ADAM18: variants seen among roughly 807,000 people sequenced by gnomAD.
ADAM18 encodes disintegrin and metalloproteinase domain-containing protein 18.
Under a neutral mutation model 94.4 loss-of-function variants are expected in ADAM18, and 117 were observed. The observed-to-expected ratio is 1.24, with a 90% CI of 1.07 to 1.45. ADAM18 has a LOEUF of 1.45. ADAM18 is among the 40% of genes most tolerant of loss of function. The pLI is 0.00. For synonymous variants in ADAM18, 327 were observed against 291.6 expected (o/e 1.12, Z -1.24); for missense variants, 936 against 880.0 (o/e 1.06, Z -0.81).
chr8:39,586,149 T>TA (rs1019770871), intron 2 of ADAM18, among the ~76,000 whole-genome samples: 1 of 152,196 alleles, frequency 6.6e-6, no homozygotes, highest in Non-Finnish European at 1.5e-5. Context: ...TATTGGGACC[T>TA]ACCATGGCTA....
At chr8:39,612,200 C>A (rs566320296) in intron 6 of ADAM18, among the ~76,000 whole-genome samples, 1 of 150,568 alleles carries the variant, frequency 6.6e-6, no homozygotes, top group Admixed American at 6.6e-5. Context: ...TTATCTCCCA[C>A]CGGAAAACCA....
chr8:39,706,301 T>C (rs1822239629), intron 17 of ADAM18, among the ~76,000 whole-genome samples: 1 of 152,132 alleles, frequency 6.6e-6, no homozygotes, highest in Admixed American at 6.5e-5. Context: ...AAAATGCACA[T>C]TATTGACCAA....
intron 18 of ADAM18, among the ~76,000 whole-genome samples, chr8:39,713,668 C>T (rs1194061499): frequency 2.6e-5 from 4 of 152,158 alleles, no homozygotes; most frequent in Non-Finnish European, 5.9e-5. Flanking sequence ...GCCATTTATG[C>T]AGCCAAAAAA....
At chr8:39,608,718 G>T (rs1819167337) in intron 3 of ADAM18, among the ~76,000 whole-genome samples, 1 of 151,808 alleles carries the variant, frequency 6.6e-6, no homozygotes, top group African/African-American at 2.4e-5. Context: ...TTTGTCTCTT[G>T]CCTAACTCTG....
intron 5 of ADAM18, 61 bp downstream of exon 5, chr8:39,609,622 C>A: frequency 8.6e-7 from 1 of 1,164,346 alleles, no homozygotes; most frequent in Non-Finnish European, 1.3e-6. Flanking sequence ...TAAAACAAAA[C>A]TTAGTGACTA....
chr8:39,687,842 C>T (rs972734455), intron 16 of ADAM18, among the ~76,000 whole-genome samples: 5 of 152,014 alleles, frequency 3.3e-5, no homozygotes, highest in South Asian at 4.1e-4. Flanking sequence ...ATGGTGTGTG[C>T]GCACCCTGTT....
chr8:39,678,988 C>T (rs1385636191), intron 15 of ADAM18, among the ~76,000 whole-genome samples: 1 of 152,064 alleles, frequency 6.6e-6, no homozygotes, highest in Non-Finnish European at 1.5e-5. Flanking sequence ...ACATACATAC[C>T]ATGCAAGTCT....
intron 19 of ADAM18, among the ~76,000 whole-genome samples, chr8:39,724,469 G>A (rs1037801109): frequency 1.1e-4 from 17 of 151,496 alleles, no homozygotes; most frequent in East Asian, 9.7e-4. Context: ...TGTTCAGACC[G>A]GTTAAAGGTT....
At position 39,706,812 on chromosome 8, in the gene ADAM18, G is replaced by C. The variant is rs150807328; in HGVS notation, c.1925G>C (p.Cys642Ser). The C allele has an allele frequency of 3.2e-5, 52 of 1,606,436 alleles. No individual in the cohort carries two copies. The African/African-American group carries it at 6.4e-4, about 20-fold the overall frequency. Residue 642 changes from cysteine to serine, a missense_variant, in exon 18 of 20, where the codon TGT becomes TCT. Coordinates refer to ENST00000265707, the MANE Select transcript of ADAM18 (RefSeq NM_014237.3). ...GKGICNNFGNCQCFPGHRPPD... is the reference protein window; with the variant it reads ...GKGICNNFGNSQCFPGHRPPD... ...CAGATATGTAATAATTTTGGTAATT[G>C]TCAATGCTTCCCTGGACATAGACCT...
chr8:39,709,847 G>A (rs1450295751), intron 18 of ADAM18, among the ~76,000 whole-genome samples: 1 of 152,172 alleles, frequency 6.6e-6, no homozygotes, highest in African/African-American at 2.4e-5. Context: ...AATGAATAAA[G>A]GCATGTTGAT....
At chr8:39,694,849 A>G (rs1180750574) in intron 17 of ADAM18, among the ~76,000 whole-genome samples, 2 of 151,548 alleles carry the variant, frequency 1.3e-5, no homozygotes, top group Non-Finnish European at 3.0e-5. Context: ...GTCTTTCAAA[A>G]TATGCGTCTT....
Position 39,609,054 on chromosome 8 carries a change from C to T in ADAM18, c.201C>T (p.Pro67=). 1 of 1,574,174 alleles carries T rather than the reference C, an allele frequency of 6.4e-7. No homozygotes were observed. The highest frequency in any genetic ancestry group is 8.6e-7 in the Non-Finnish European group (1 of 1,158,366). The change falls in exon 4 of 20, where the codon CCC becomes CCT. Residue 67 remains proline (P), a synonymous_variant. Transcript: ENST00000265707. ...TLHLGKQSFL[P]QNFLVYTYNE... is the part of the protein sequence containing the mutation. ...CTTGGTTTTTTAGATCATTCTTACCCCAGAACTTTTTGGTTTATACATATA... is the reference window on the plus strand; with the variant it reads ...CTTGGTTTTTTAGATCATTCTTACCTCAGAACTTTTTGGTTTATACATATA...
intron 17 of ADAM18, among the ~76,000 whole-genome samples, chr8:39,693,652 C>T (rs569945863): frequency 7.3e-5 from 11 of 151,040 alleles, no homozygotes; most frequent in South Asian, 4.2e-4. Flanking sequence ...TTATTATTTA[C>T]GTTCAGTTGT....
intron 16 of ADAM18, among the ~76,000 whole-genome samples, chr8:39,688,664 T>C (rs1821679963): frequency 6.6e-6 from 1 of 152,204 alleles, no homozygotes; most frequent in Non-Finnish European, 1.5e-5. Flanking sequence ...GCCATGTCTT[T>C]GTTATTGTGA....
At chr8:39,725,967 C>T (rs1427261357) in intron 19 of ADAM18, among the ~76,000 whole-genome samples, 1 of 152,014 alleles carries the variant, frequency 6.6e-6, no homozygotes, top group African/African-American at 2.4e-5. Context: ...ATATTTCCAC[C>T]AACATTGTAC....
At chr8:39,701,508 C>T (rs933056979) in intron 17 of ADAM18, among the ~76,000 whole-genome samples, 1 of 151,732 alleles carries the variant, frequency 6.6e-6, no homozygotes, top group African/African-American at 2.4e-5. Context: ...TTCAAGGGTA[C>T]GTGTGAAAGG....
chr8:39,598,787 A>G (rs1818816419), intron 2 of ADAM18, among the ~76,000 whole-genome samples: 1 of 149,626 alleles, frequency 6.7e-6, no homozygotes. Context: ...AAAAAACAAC[A>G]AAAAAAAGAA....
chr8:39,720,518 A>G (rs1822716840), intron 18 of ADAM18, among the ~76,000 whole-genome samples: 1 of 151,566 alleles, frequency 6.6e-6, no homozygotes, highest in Admixed American at 6.6e-5. Context: ...AAGAATTTAC[A>G]CTATTTTGTT....
chr8:39,683,380 C>G (rs939456706), intron 16 of ADAM18, among the ~76,000 whole-genome samples: 1 of 152,212 alleles, frequency 6.6e-6, no homozygotes, highest in African/African-American at 2.4e-5. Flanking sequence ...CCAGAATTCA[C>G]CACTCACAGA....
Sources: allele counts gnomAD v4.1 joint callset (sites outside exome capture counted in the v4.1 genomes callset), GRCh38; gene constraint gnomAD v4.1.1; transcripts MANE v1.5; gene names NCBI Gene and HGNC (gene_info 2026-07-23, HGNC 2026-07-21).